The following CIB4 variants were observed in gnomAD, a reference collection of about 807,000 sequenced individuals.
CIB4 encodes the protein calcium and integrin-binding family member 4.
CIB4 carries 25 observed loss-of-function variants against 25.8 expected under a neutral mutation model. The ratio of observed to expected loss-of-function variants is 0.97; its 90% CI spans 0.71 to 1.35. The LOEUF (loss-of-function observed/expected upper bound fraction) is 1.35, where lower values mean the gene tolerates loss of function less well. Ranked by LOEUF, CIB4 falls within the 40% of genes most tolerant of loss-of-function variation. CIB4 has a pLI of 0.00. For synonymous variants in CIB4, 75 were observed against 81.4 expected, an observed-to-expected ratio of 0.92 and a Z score of 0.42; for missense variants, 235 against 228.2, an observed-to-expected ratio of 1.03 and a Z score of -0.19.
At chr2:26,589,081 T>TTCTTCC (rs1668526474) in intron 4 of CIB4, among the ~76,000 whole-genome samples, 1 of 84,110 alleles carries the variant, frequency 1.2e-5, no homozygotes, top group Non-Finnish European at 2.2e-5. Flanking sequence ...CCTCTTCTTC[T>TTCTTCC]TCTTCTTCTT....
At chr2:26,584,343 T>G (rs1386935019) in intron 4 of CIB4, among the ~76,000 whole-genome samples, 1 of 152,084 alleles carries the variant, frequency 6.6e-6, no homozygotes, top group East Asian at 1.9e-4. Flanking sequence ...CCAGGGTGTC[T>G]TTTGGTGGCT....
At chr2:26,609,780 G>T (rs1668962305) in intron 3 of CIB4, among the ~76,000 whole-genome samples, 1 of 152,204 alleles carries the variant, frequency 6.6e-6, no homozygotes, top group African/African-American at 2.4e-5. Context: ...TAGCTTCAAT[G>T]CTTGTGGCTC....
intron 3 of CIB4, 70 bp from the exon 4 acceptor site, chr2:26,595,387 A>C: frequency 1.3e-6 from 2 of 1,522,378 alleles, no homozygotes; most frequent in Non-Finnish European, 1.8e-6. Flanking sequence ...GGTCTCTCTC[A>C]TCTATTACAA....
At chr2:26,602,460 G>A (rs571359042) in intron 3 of CIB4, among the ~76,000 whole-genome samples, 6 of 152,220 alleles carry the variant, frequency 3.9e-5, no homozygotes, top group African/African-American at 1.4e-4. Flanking sequence ...TAAATAACAA[G>A]TTATAAGTAA....
At chr2:26,605,519 G>A (rs1464318088) in intron 3 of CIB4, 21 of 471,126 alleles carry the variant, frequency 4.5e-5, no homozygotes, top group Non-Finnish European at 6.2e-5. Flanking sequence ...CAGGGGAGTG[G>A]ACGCCCTTTC....
chr2:26,614,730 CAG>C (rs1669059340), intron 3 of CIB4, among the ~76,000 whole-genome samples: 1 of 152,194 alleles, frequency 6.6e-6, no homozygotes, highest in Non-Finnish European at 1.5e-5. Context: ...GCTGTGTGTG[CAG>C]AGTGTCCTCA....
chr2:26,616,201 C>G (rs987192025), intron 3 of CIB4, among the ~76,000 whole-genome samples: 6 of 152,242 alleles, frequency 3.9e-5, no homozygotes, highest in African/African-American at 1.2e-4. Flanking sequence ...GTGCTGGGCA[C>G]AGCCCAGATC....
At chr2:26,632,369 T>C (rs555063224) in intron 2 of CIB4, among the ~76,000 whole-genome samples, 1 of 152,166 alleles carries the variant, frequency 6.6e-6, no homozygotes, top group Non-Finnish European at 1.5e-5. Flanking sequence ...GGGGGAGAGA[T>C]TCTCCAGGAA....
At chr2:26,596,613 C>T (rs961364803) in intron 3 of CIB4, among the ~76,000 whole-genome samples, 1 of 151,746 alleles carries the variant, frequency 6.6e-6, no homozygotes, top group Non-Finnish European at 1.5e-5. Context: ...CGGGCGTGGT[C>T]GCGCATGCCT....
chr2:26,588,782 T>A (rs1044348709), intron 4 of CIB4, among the ~76,000 whole-genome samples: 22 of 152,296 alleles, frequency 1.4e-4, no homozygotes, highest in African/African-American at 5.3e-4. Flanking sequence ...TGGTGGAGGC[T>A]GTGCTGATGG....
intron 4 of CIB4, among the ~76,000 whole-genome samples, chr2:26,587,840 A>G (rs1668486335): frequency 6.6e-6 from 1 of 152,212 alleles, no homozygotes. Context: ...AACTAGAGCT[A>G]TATTGGTTTC....
chr2:26,595,286 ACT>A lies in CIB4; in HGVS notation c.216_217del (p.Arg72SerfsTer11). ...GGAGAACATGCCTTTGTGGGAGAAC[ACT>A]CTGCAGATACGGTCTCTGAAAGGGT... On this transcript the variant is annotated frameshift_variant, in exon 4 of 7. Coordinates refer to ENST00000288861, the MANE Select transcript of CIB4 (RefSeq NM_001029881.3). LOFTEE classifies it high-confidence loss of function. 1 of 1,614,036 alleles carries A rather than the reference ACT, an allele frequency of 6.2e-7. No homozygotes were observed. Among genetic ancestry groups the A allele is most frequent in the East Asian group, 2.2e-5 (1 of 44,878 alleles).
At chr2:26,614,712 C>G (rs774913024) in intron 3 of CIB4, among the ~76,000 whole-genome samples, 2 of 152,218 alleles carry the variant, frequency 1.3e-5, no homozygotes, top group Non-Finnish European at 2.9e-5. Flanking sequence ...GGGAGAAGCA[C>G]ATGAGATGCT....
chr2:26,597,581 G>T (rs1048674134), intron 3 of CIB4, among the ~76,000 whole-genome samples: 1 of 152,110 alleles, frequency 6.6e-6, no homozygotes, highest in Non-Finnish European at 1.5e-5. Context: ...GTGTAAGGAA[G>T]AAATCTTACT....
At chr2:26,617,120 A>ATGTGTGTGTG (rs3220777) in intron 3 of CIB4, among the ~76,000 whole-genome samples, 5,625 of 137,728 alleles carry the variant, frequency 0.041, 139 homozygotes, top group Middle Eastern at 0.069. Flanking sequence ...AGAGCATGGA[A>ATGTGTGTGTG]TGTGTGTGTG....
chr2:26,601,795 T>C (rs1668797455), intron 3 of CIB4, among the ~76,000 whole-genome samples: 2 of 152,180 alleles, frequency 1.3e-5, no homozygotes, highest in African/African-American at 4.8e-5. Context: ...ATTCATGCAA[T>C]GGAATACTAC....
At chr2:26,637,213 C>G (rs1669550878) in intron 2 of CIB4, among the ~76,000 whole-genome samples, 1 of 152,180 alleles carries the variant, frequency 6.6e-6, no homozygotes, top group African/African-American at 2.4e-5. Flanking sequence ...ATCTGCCTTT[C>G]TGTTTTCACC....
At position 26,641,251 on chromosome 2, in the gene CIB4, A is replaced by G; in HGVS notation, c.54+10T>C. On this transcript the variant is annotated intron_variant, in intron 1 of 6. Transcript: ENST00000288861. ...ACCTCTGCCCAGAGTCCCTAGCCCG[A>G]TCTACCCACCTGGTACTCTTCCAGG... 1 of 1,610,998 alleles carries G rather than the reference A, an allele frequency of 6.2e-7. No homozygotes were observed. The highest frequency in any genetic ancestry group is 1.1e-5 in the South Asian group (1 of 90,994).
chr2:26,633,711 T>C (rs1007396438), intron 2 of CIB4, among the ~76,000 whole-genome samples: 1 of 152,140 alleles, frequency 6.6e-6, no homozygotes, highest in Non-Finnish European at 1.5e-5. Context: ...GTCAAAGCCA[T>C]TTGAAAAACT....
Sources: gnomAD v4.1 joint callset for allele counts (sites outside exome capture counted in the v4.1 genomes callset) on GRCh38, gnomAD v4.1.1 for gene constraint, MANE v1.5 for transcripts, NCBI Gene and HGNC (gene_info 2026-07-23, HGNC 2026-07-21) for gene names.